TINAG: variants seen among roughly 807,000 people sequenced by gnomAD.
The protein encoded by TINAG is tubulointerstitial nephritis antigen.
A neutral mutation model predicts 72.7 loss-of-function variants in TINAG; 83 were observed. The ratio of observed to expected loss-of-function variants is 1.14; its 90% CI spans 0.96 to 1.37. The LOEUF (loss-of-function observed/expected upper bound fraction) is 1.37, where lower values mean the gene tolerates loss of function less well. Ranked by LOEUF, TINAG falls within the 40% of genes most tolerant of loss-of-function variation. The pLI is 0.00. For synonymous variants in TINAG, 234 were observed against 189.9 expected, an observed-to-expected ratio of 1.23 and a Z score of -1.91; for missense variants, 685 against 576.6, an observed-to-expected ratio of 1.19 and a Z score of -1.93.
In TINAG at chr6:54,382,242, T is replaced by A. The variant is rs925041992; in HGVS notation, c.1296+1671T>A. 2.6e-5 allele frequency among the ~76,000 whole-genome samples: 4 copies of A among 152,090 alleles called. No individual in the cohort carries two copies. In the East Asian group the frequency reaches 7.7e-4, roughly 29 times the overall value. On this transcript the variant is annotated intron_variant, in intron 10 of 10. Transcript: ENST00000259782. Reference sequence around the variant, plus strand: ...AATGCAAGCAGTAGAAATACAAGAATCAGACTAAAATTTATAATATTTTGC... The same window carrying A: ...AATGCAAGCAGTAGAAATACAAGAAACAGACTAAAATTTATAATATTTTGC...
intron 1 of TINAG, among the ~76,000 whole-genome samples, chr6:54,311,744 C>T (rs12201103): frequency 1.3e-5 from 2 of 152,030 alleles, no homozygotes; most frequent in African/African-American, 4.8e-5. Flanking sequence ...AGCTTATTCA[C>T]CCCCCTTTTT....
intron 10 of TINAG, among the ~76,000 whole-genome samples, chr6:54,387,269 G>T (rs964992999): frequency 5.9e-5 from 9 of 152,160 alleles, no homozygotes; most frequent in African/African-American, 2.2e-4. Context: ...CAGCATAGAT[G>T]AGGATTTGGA....
chr6:54,356,222 T>G (rs112050476), intron 9 of TINAG, among the ~76,000 whole-genome samples: 31 of 151,836 alleles, frequency 2.0e-4, no homozygotes, highest in African/African-American at 7.5e-4. Context: ...ATTAACAACT[T>G]AAAAAGAAGA....
At chr6:54,362,777 TAGA>T (rs1020429849) in intron 9 of TINAG, among the ~76,000 whole-genome samples, 1 of 151,484 alleles carries the variant, frequency 6.6e-6, no homozygotes, top group Admixed American at 6.6e-5. Context: ...TTGTGATTCA[TAGA>T]AGTTCGACAT....
rs1233016792 is a variant in TINAG at position 54,311,087 on chromosome 6, C to A, written c.355+2182C>A. Among the ~76,000 whole-genome samples the A allele has an allele frequency of 3.3e-5, 5 of 151,644 alleles. No individual in the cohort carries two copies. In the East Asian group the frequency reaches 9.7e-4, roughly 29 times the overall value. Reference sequence around the variant, plus strand: ...TCCTTTTAAAACATTTTTATATACCCTTTAACAGCATGTGGTCTTGTTTTG... The same window carrying A: ...TCCTTTTAAAACATTTTTATATACCATTTAACAGCATGTGGTCTTGTTTTG... On this transcript the variant is annotated intron_variant, in intron 1 of 10. Coordinates refer to ENST00000259782, the MANE Select transcript of TINAG (RefSeq NM_014464.4).
chr6:54,355,276 T>C (rs1405728843), intron 9 of TINAG, among the ~76,000 whole-genome samples: 2 of 151,928 alleles, frequency 1.3e-5, no homozygotes, highest in African/African-American at 4.8e-5. Flanking sequence ...TGTCTCACTC[T>C]AGTTCAAATG....
chr6:54,379,513 C>G (rs1763881865), intron 9 of TINAG, among the ~76,000 whole-genome samples: 2 of 152,014 alleles, frequency 1.3e-5, no homozygotes, highest in South Asian at 4.1e-4. Context: ...TACAAAAATT[C>G]TACGTTAGGC....
At chr6:54,367,842 G>A (rs1244341309) in intron 9 of TINAG, among the ~76,000 whole-genome samples, 3 of 151,734 alleles carry the variant, frequency 2.0e-5, no homozygotes, top group Non-Finnish European at 4.4e-5. Context: ...GTCTAAGATT[G>A]TAGTACCAGC....
At chr6:54,335,640 A>G (rs980252749) in intron 4 of TINAG, among the ~76,000 whole-genome samples, 3 of 152,226 alleles carry the variant, frequency 2.0e-5, no homozygotes, top group Non-Finnish European at 2.9e-5. Flanking sequence ...TTGGAAAGCT[A>G]TAGCTACCAG....
chr6:54,352,048 G>C (rs759888843), intron 8 of TINAG, among the ~76,000 whole-genome samples: 7 of 151,640 alleles, frequency 4.6e-5, no homozygotes, highest in Admixed American at 1.3e-4. Flanking sequence ...TTGCATCAAT[G>C]ACCTGAATAA....
chr6:54,364,072 G>A (rs1763328375), intron 9 of TINAG, among the ~76,000 whole-genome samples: 1 of 151,534 alleles, frequency 6.6e-6, no homozygotes, highest in Non-Finnish European at 1.5e-5. Context: ...AAAAGATGTG[G>A]TGGGAGGAGA....
At chr6:54,338,800 T>A (rs1031145512) in intron 4 of TINAG, among the ~76,000 whole-genome samples, 5 of 145,990 alleles carry the variant, frequency 3.4e-5, no homozygotes, top group East Asian at 4.0e-4. Flanking sequence ...TGAAATAAAA[T>A]ATTTTGCACT....
At chr6:54,314,556 G>C (rs1200568395) in intron 1 of TINAG, among the ~76,000 whole-genome samples, 1 of 152,074 alleles carries the variant, frequency 6.6e-6, no homozygotes, top group East Asian at 1.9e-4. Context: ...AAAAAGAGTA[G>C]AGAATGATAT....
chr6:54,352,246 C>T (rs1785283204), intron 8 of TINAG, among the ~76,000 whole-genome samples: 1 of 151,714 alleles, frequency 6.6e-6, no homozygotes, highest in Admixed American at 6.6e-5. Flanking sequence ...ACTTAAGGAA[C>T]TGTTGCCAAT....
intron 3 of TINAG, among the ~76,000 whole-genome samples, chr6:54,324,417 G>A (rs149533389): frequency 2.0e-5 from 3 of 152,284 alleles, no homozygotes; most frequent in South Asian, 2.1e-4. Context: ...TGGGGCATAC[G>A]TGGAAGTTGC....
intron 3 of TINAG, among the ~76,000 whole-genome samples, chr6:54,323,721 A>G (rs1057436748): frequency 6.6e-6 from 1 of 152,226 alleles, no homozygotes; most frequent in East Asian, 1.9e-4. Context: ...TGGGAGGCCA[A>G]GACGAGCAGA....
chr6:54,380,980 G>GATATATAT (rs10639072), intron 10 of TINAG, among the ~76,000 whole-genome samples: 26 of 142,276 alleles, frequency 1.8e-4, no homozygotes, highest in African/African-American at 6.5e-4. Context: ...TAACCTATAG[G>GATATATAT]ATATATATAT....
chr6:54,332,328 T>C (rs751022849), intron 4 of TINAG, among the ~76,000 whole-genome samples: 3 of 152,098 alleles, frequency 2.0e-5, no homozygotes, highest in Non-Finnish European at 4.4e-5. Context: ...TTTACAACCA[T>C]CTGATCTTTG....
intron 9 of TINAG, among the ~76,000 whole-genome samples, chr6:54,359,823 G>A (rs1291561371): frequency 6.6e-6 from 1 of 151,692 alleles, no homozygotes; most frequent in East Asian, 1.9e-4. Context: ...TTCCTGATTT[G>A]GTAATTACTA....
Sources: allele counts gnomAD v4.1 joint callset (sites outside exome capture counted in the v4.1 genomes callset), GRCh38; gene constraint gnomAD v4.1.1; transcripts MANE v1.5; gene names NCBI Gene and HGNC (gene_info 2026-07-23, HGNC 2026-07-21).